Variants in SUMF1 observed in about 807,000 individuals in gnomAD.
SUMF1 encodes sulfatase modifying factor 1, also known as formylglycine-generating enzyme.
In SUMF1, 48 loss-of-function variants were observed where a neutral mutation model predicts 47.6. That is an observed-to-expected ratio of 1.01 (90% CI 0.80 to 1.28). The LOEUF is 1.28. Among genes scored for constraint, SUMF1 ranks in the 50% most tolerant of loss-of-function variants. The pLI is 0.00. For missense variants in SUMF1, 571 were observed against 485.4 expected (o/e 1.18, Z -1.66); for synonymous variants, 230 against 192.1 (o/e 1.20, Z -1.63).
chr3:4,362,178 C>A lies in SUMF1; in HGVS notation c.1091G>T (p.Arg364Leu). ...PDSSASNLGF[R>L]CAADRLPTMD is the part of the protein sequence containing the mutation. ...AGTGGGCAGGCGGTCGGCTGCACAG[C>A]GGAATCCCAGATTCGAAGCAGAGCT... is the stretch of plus-strand genomic sequence containing the variant. The change falls in exon 9 of 9, where the codon CGC (arginine) becomes CTC (leucine). Residue 364 changes from arginine (R) to leucine (L), a missense_variant. By Grantham distance (102) the Arg-to-Leu change is moderately radical. Transcript: ENST00000272902. 6.2e-7 allele frequency: 1 copy of A among 1,614,178 alleles called. No individual in the cohort carries two copies. Among genetic ancestry groups the A allele is most frequent in the South Asian group, 1.1e-5 (1 of 91,084 alleles).
rs1415637393 is a variant in SUMF1 at position 4,361,551 on chromosome 3, T to A, written c.*593A>T. 3.2e-5 allele frequency: 5 copies of A among 157,556 alleles called. No homozygotes were observed. Among genetic ancestry groups the A allele is most frequent in the Non-Finnish European group, 5.6e-5 (4 of 70,912 alleles). 9.8% of individuals were successfully genotyped at this position (157,556 alleles called of 1,614,324 possible). A position where few individuals can be genotyped will look rare whatever the true frequency, so the allele number is the denominator to read the frequency against. ...ATTTCCTTGGAAAAACAAAGTGCAGTACGAATATAAAGGAGTCACCACACC... is the reference window on the plus strand; with the variant it reads ...ATTTCCTTGGAAAAACAAAGTGCAGAACGAATATAAAGGAGTCACCACACC... On this transcript the variant is annotated 3_prime_UTR_variant, in exon 9 of 9. Coordinates refer to ENST00000272902, the MANE Select transcript of SUMF1 (RefSeq NM_182760.4).
intron 7 of SUMF1, among the ~76,000 whole-genome samples, chr3:4,383,441 A>C (rs531160854): frequency 1.3e-5 from 2 of 152,168 alleles, no homozygotes; most frequent in Non-Finnish European, 1.5e-5. Flanking sequence ...ATAAATAGCA[A>C]GGGAGGAAAA....
chr3:4,457,638 G>C (rs2079699100), intron 1 of SUMF1, among the ~76,000 whole-genome samples: 1 of 152,088 alleles, frequency 6.6e-6, no homozygotes, highest in African/African-American at 2.4e-5. Flanking sequence ...ACACACAATG[G>C]AGAAAGGACA....
chr3:4,366,149 A>AT (rs1559248407), intron 8 of SUMF1, among the ~76,000 whole-genome samples: 3 of 151,430 alleles, frequency 2.0e-5, no homozygotes, highest in Non-Finnish European at 4.4e-5. Context: ...TGCCCTTAGC[A>AT]TTTTTTCCTT....
chr3:4,375,758 T>C (rs1327521041), intron 8 of SUMF1, among the ~76,000 whole-genome samples: 1 of 152,082 alleles, frequency 6.6e-6, no homozygotes, highest in Non-Finnish European at 1.5e-5. Flanking sequence ...CCAAATTCCT[T>C]ATAAAGGTTA....
chr3:4,423,612 T>C (rs993220027), intron 3 of SUMF1, among the ~76,000 whole-genome samples: 4 of 152,178 alleles, frequency 2.6e-5, no homozygotes, highest in Admixed American at 6.5e-5. Context: ...CTGAAGACAA[T>C]TGGTATATTA....
In SUMF1 at chr3:4,371,318, T is replaced by C. The variant is rs567203189; in HGVS notation, c.1014+5012A>G. 2.6e-5 allele frequency among the ~76,000 whole-genome samples: 4 copies of C among 152,288 alleles called. No homozygotes were observed. In the South Asian group the frequency reaches 8.3e-4, roughly 32 times the overall value. ...ATTTCATTAAGATGGCTAATTACTG[T>C]GTGAAATTGATCTCCATGTCTGTGC... On this transcript the variant is annotated intron_variant, in intron 8 of 8. Coordinates refer to ENST00000272902, the MANE Select transcript of SUMF1 (RefSeq NM_182760.4).
At chr3:4,098,963 TAGGG>T (rs1382387819) in intron 8 of SUMF1, among the ~76,000 whole-genome samples, 1 of 152,150 alleles carries the variant, frequency 6.6e-6, no homozygotes, top group South Asian at 2.1e-4. Context: ...TCTGATGTGC[TAGGG>T]CCTCAGAAAA....
chr3:4,286,541 G>A (rs1250575150), intron 8 of SUMF1, among the ~76,000 whole-genome samples: 1 of 152,112 alleles, frequency 6.6e-6, no homozygotes, highest in Non-Finnish European at 1.5e-5. Context: ...GAGTAAAATG[G>A]TGCTGAAGGT....
intron 3 of SUMF1, among the ~76,000 whole-genome samples, chr3:4,433,107 C>A (rs923284443): frequency 1.3e-5 from 2 of 152,196 alleles, no homozygotes; most frequent in African/African-American, 2.4e-5. Context: ...TAAAGCTAGA[C>A]ATCCCTCAGC....
chr3:4,240,665 C>T (rs1382694654), intron 8 of SUMF1, among the ~76,000 whole-genome samples: 2 of 151,810 alleles, frequency 1.3e-5, no homozygotes, highest in Non-Finnish European at 2.9e-5. Context: ...TCAAAAATTA[C>T]AAGAAAAATT....
intron 8 of SUMF1, among the ~76,000 whole-genome samples, chr3:4,107,241 GCCCATA>G (rs1693178927): frequency 6.6e-6 from 1 of 152,114 alleles, no homozygotes; most frequent in Admixed American, 6.5e-5. Context: ...TTTCTCTGAT[GCCCATA>G]CTGAATAAAT....
At chr3:4,153,171 A>C (rs1277589494) in intron 8 of SUMF1, among the ~76,000 whole-genome samples, 1 of 151,484 alleles carries the variant, frequency 6.6e-6, no homozygotes, top group Non-Finnish European at 1.5e-5. Context: ...ATTTTTAAAA[A>C]ATTGAGCAGA....
intron 8 of SUMF1, among the ~76,000 whole-genome samples, chr3:4,118,394 T>A (rs1473884073): frequency 2.7e-5 from 4 of 149,504 alleles, no homozygotes; most frequent in Non-Finnish European, 4.4e-5. Flanking sequence ...CAAAAAAAAA[T>A]CAAAGAAATG....
At chr3:4,112,524 T>C (rs1693331525) in intron 8 of SUMF1, among the ~76,000 whole-genome samples, 1 of 152,150 alleles carries the variant, frequency 6.6e-6, no homozygotes, top group South Asian at 2.1e-4. Context: ...TAATTCATAA[T>C]TTGCTTAAAA....
chr3:4,050,780 A>G (rs1407629056), intron 9 of SUMF1, among the ~76,000 whole-genome samples: 1 of 150,388 alleles, frequency 6.6e-6, no homozygotes, highest in East Asian at 1.9e-4. Context: ...AGAAAAAAGA[A>G]AAGAAAAAGA....
intron 8 of SUMF1, among the ~76,000 whole-genome samples, chr3:4,260,909 G>T (rs1385932701): frequency 6.6e-6 from 1 of 152,084 alleles, no homozygotes. Context: ...GCAAGGTAAC[G>T]AATTCTCCTG....
At chr3:4,453,080 T>C in intron 1 of SUMF1, 31 bp from the exon 2 acceptor site, 1 of 1,598,434 alleles carries the variant, frequency 6.3e-7, no homozygotes. Context: ...CAGGAAGTCA[T>C]GCATCACAGC....
chr3:4,274,312 T>C (rs1697369894), intron 8 of SUMF1, among the ~76,000 whole-genome samples: 1 of 151,994 alleles, frequency 6.6e-6, no homozygotes, highest in Admixed American at 6.6e-5. Flanking sequence ...GAAACTAAAT[T>C]TGTAGGGGGC....
Sources: allele counts gnomAD v4.1 joint callset (sites outside exome capture counted in the v4.1 genomes callset), GRCh38; gene constraint gnomAD v4.1.1; transcripts MANE v1.5; gene names NCBI Gene and HGNC (gene_info 2026-07-23, HGNC 2026-07-21).